PCGF5: variants seen among roughly 807,000 people sequenced by gnomAD.
PCGF5 encodes polycomb group ring finger 5, also known as polycomb group RING finger protein 5.
A neutral mutation model predicts 44.3 loss-of-function variants in PCGF5; 9 were observed. The observed-to-expected ratio is 0.20, with a 90% confidence interval of 0.12 to 0.35. The LOEUF (loss-of-function observed/expected upper bound fraction) is 0.35, where lower values mean the gene tolerates loss of function less well. Among genes scored for constraint, PCGF5 ranks in the 10% least tolerant of loss-of-function variants. The pLI, the probability that PCGF5 is intolerant of heterozygous loss-of-function variation, is 1.00. For synonymous variants in PCGF5, 95 were observed against 102.5 expected, an observed-to-expected ratio of 0.93 and a Z score of 0.44; for missense variants, 146 against 305.3, an observed-to-expected ratio of 0.48 and a Z score of 3.89.
intron 1 of PCGF5, among the ~76,000 whole-genome samples, chr10:91,165,225 A>G (rs749575549): frequency 2.0e-5 from 3 of 152,192 alleles, no homozygotes; most frequent in Non-Finnish European, 4.4e-5. Flanking sequence ...ATATCCTAAG[A>G]CACTTAGTAT....
At position 91,264,508 on chromosome 10, in the gene PCGF5, AAG is replaced by A; in HGVS notation, c.654_655del (p.Gly219ArgfsTer35). On this transcript the variant is annotated frameshift_variant, in exon 8 of 10. Transcript: ENST00000336126. LOFTEE classifies it high-confidence loss of function. ...TCATCTACATGACAAGATGGCGACT[AAG>A]AGGCGAAAACGTAAATTGCTTTTAT... ...EFIYMTRWRL[R>X]GENFRCLNCS... 6.2e-7 allele frequency: 1 copy of A among 1,609,342 alleles called. No individual in the cohort carries two copies. The highest frequency in any genetic ancestry group is 8.5e-7 in the Non-Finnish European group (1 of 1,177,948).
upstream of PCGF5, among the ~76,000 whole-genome samples, chr10:91,160,338 C>G (rs1481755732): frequency 1.3e-5 from 2 of 152,148 alleles, no homozygotes; most frequent in African/African-American, 4.8e-5. Context: ...TTGCAGGGAA[C>G]CACGTACAGG....
chr10:91,195,449 TATGCATATATATATATGCATGC>T (rs1242702673), intron 1 of PCGF5, among the ~76,000 whole-genome samples: 1 of 129,164 alleles, frequency 7.7e-6, no homozygotes, highest in East Asian at 2.5e-4. Flanking sequence ...TATGTATATA[TATGCATATATATATATGCATGC>T]ATATATATAT....
rs1844722936 is a variant in PCGF5 at position 91,223,003 on chromosome 10, A to G, written c.112+20A>G. On this transcript the variant is annotated intron_variant, in intron 2 of 9. Coordinates refer to ENST00000336126, the MANE Select transcript of PCGF5 (RefSeq NM_032373.5). ...ATACATGTAAGTATTCTTTTAGGTT[A>G]TTATACCTATCAAAGTTTATATGTA... 2.1e-6 allele frequency: 3 copies of G among 1,442,960 alleles called. No homozygotes were observed. Among genetic ancestry groups the G allele is most frequent in the South Asian group, 1.2e-5 (1 of 86,590 alleles). The allele number at this position is 1,442,960 out of a possible 1,614,324, so 89.4% of individuals were successfully genotyped here.
At chr10:91,236,488 G>T (rs745415363) in intron 2 of PCGF5, among the ~76,000 whole-genome samples, 5 of 152,188 alleles carry the variant, frequency 3.3e-5, no homozygotes, top group Non-Finnish European at 2.9e-5. Context: ...TGGAGTAGCT[G>T]TTGAGAATGA....
At chr10:91,156,436 C>T in the PCGF5 span, among the ~76,000 whole-genome samples, 19 of 152,134 alleles carry the variant, frequency 1.2e-4, no homozygotes, top group Non-Finnish European at 2.5e-4. Context: ...TGGGAAGCCA[C>T]TGGGGAGATT....
chr10:91,173,342 G>A (rs11596146), intron 1 of PCGF5, among the ~76,000 whole-genome samples: 79,051 of 151,998 alleles, frequency 0.52, 21,303 homozygotes, highest in African/African-American at 0.66. Context: ...GATTAAGGCA[G>A]TGTGTTTCAT....
At chr10:91,232,063 G>A (rs933935234) in intron 2 of PCGF5, among the ~76,000 whole-genome samples, 3 of 152,190 alleles carry the variant, frequency 2.0e-5, no homozygotes, top group African/African-American at 7.2e-5. Flanking sequence ...GAGCCCTGAG[G>A]TACCACTAAA....
In PCGF5 at chr10:91,283,823, TA is replaced by T. The variant is rs1306177713; in HGVS notation, c.*5509del. ...AGAATATATTGTAAAGTTATGTTGC[TA>T]ATTTTCCTTTGAAATATAAAATATT... On this transcript the variant is annotated 3_prime_UTR_variant, in exon 10 of 10. Transcript: ENST00000336126. 2.6e-5 allele frequency: 4 copies of T among 152,658 alleles called. No individual in the cohort carries two copies. The highest frequency in any genetic ancestry group is 2.6e-4 in the Admixed American group (4 of 15,288). The allele number at this position is 152,658 out of a possible 1,614,324, so 9.5% of individuals were successfully genotyped here. A position where few individuals can be genotyped will look rare whatever the true frequency, so the allele number is the denominator to read the frequency against.
chr10:91,245,657 G>A (rs1353533382), intron 3 of PCGF5, among the ~76,000 whole-genome samples: 1 of 152,104 alleles, frequency 6.6e-6, no homozygotes, highest in African/African-American at 2.4e-5. Context: ...GTTTTCAGTG[G>A]GAGCATTGAC....
chr10:91,222,481 G>A (rs12768356), intron 1 of PCGF5, among the ~76,000 whole-genome samples: 19,802 of 152,074 alleles, frequency 0.13, 2,418 homozygotes, highest in African/African-American at 0.32. Flanking sequence ...TATAGAGGTG[G>A]TAGTTGAGGT....
At chr10:91,238,490 G>T (rs1245036655) in intron 2 of PCGF5, among the ~76,000 whole-genome samples, 1 of 151,716 alleles carries the variant, frequency 6.6e-6, no homozygotes, top group Non-Finnish European at 1.5e-5. Context: ...GACAACCAAG[G>T]ATTGCCAACC....
At chr10:91,187,936 G>GA (rs566335944) in intron 1 of PCGF5, among the ~76,000 whole-genome samples, 55 of 151,946 alleles carry the variant, frequency 3.6e-4, no homozygotes, top group Non-Finnish European at 6.5e-4. Flanking sequence ...GCTAATGGCA[G>GA]ATGGATGATT....
chr10:91,166,280 G>A (rs1336881315), intron 1 of PCGF5, among the ~76,000 whole-genome samples: 2 of 152,186 alleles, frequency 1.3e-5, no homozygotes, highest in Non-Finnish European at 2.9e-5. Context: ...AACTCTCAGA[G>A]GGAAAAATAA....
intron 6 of PCGF5, among the ~76,000 whole-genome samples, chr10:91,256,413 T>A (rs1380413460): frequency 1.3e-5 from 2 of 151,562 alleles, no homozygotes; most frequent in East Asian, 3.9e-4. Context: ...AAAAATAGAA[T>A]GAAGAAAAAT....
intron 7 of PCGF5, among the ~76,000 whole-genome samples, 158 bp from the exon 8 acceptor site, chr10:91,264,273 A>G (rs192293138): frequency 2.2e-4 from 34 of 152,320 alleles, no homozygotes; most frequent in Non-Finnish European, 4.0e-4. Flanking sequence ...AACATATCCA[A>G]ATTGTTAATG....
intron 1 of PCGF5, among the ~76,000 whole-genome samples, chr10:91,209,039 G>T (rs915093541): frequency 6.6e-6 from 1 of 152,096 alleles, no homozygotes; most frequent in Non-Finnish European, 1.5e-5. Context: ...GCAGATTGTT[G>T]TTGGCACTCT....
At chr10:91,188,781 T>C (rs770306061) in intron 1 of PCGF5, among the ~76,000 whole-genome samples, 4 of 152,058 alleles carry the variant, frequency 2.6e-5, no homozygotes, top group Non-Finnish European at 5.9e-5. Flanking sequence ...ATCTACAGAG[T>C]GTCATTTGGA....
At chr10:91,177,722 C>T (rs1261821741) in intron 1 of PCGF5, among the ~76,000 whole-genome samples, 1 of 152,356 alleles carries the variant, frequency 6.6e-6, no homozygotes, top group African/African-American at 2.4e-5. Context: ...AGGATATAAT[C>T]TCCTGGTGCG....
Sources: allele counts gnomAD v4.1 joint callset (sites outside exome capture counted in the v4.1 genomes callset), GRCh38; gene constraint gnomAD v4.1.1; transcripts MANE v1.5; gene names NCBI Gene and HGNC (gene_info 2026-07-23, HGNC 2026-07-21).